TSNARE1: variants seen among roughly 807,000 people sequenced by gnomAD.
TSNARE1 encodes the protein t-SNARE domain containing 1, also known as t-SNARE domain-containing protein 1.
TSNARE1 carries 49 observed loss-of-function variants against 62.0 expected under a neutral mutation model. That is an observed-to-expected ratio of 0.79 (90% confidence interval 0.63 to 1.00). TSNARE1 has a LOEUF of 1.00. Among genes scored for constraint, TSNARE1 ranks in the 50% least tolerant of loss-of-function variants. The pLI, the probability that TSNARE1 is intolerant of heterozygous loss-of-function variation, is 0.00. For synonymous variants in TSNARE1, 328 were observed against 294.4 expected (o/e 1.11, Z -1.17); for missense variants, 755 against 700.1 (o/e 1.08, Z -0.88).
At chr8:142,366,044 C>CT (rs1288241919) in intron 1 of TSNARE1, 21 of 365,244 alleles carry the variant, frequency 5.7e-5, no homozygotes, top group East Asian at 9.0e-5. Flanking sequence ...TTTCTGATTG[C>CT]TTTTTTTTCT....
chr8:142,382,007 C>T (rs1279695277), intron 1 of TSNARE1, among the ~76,000 whole-genome samples: 1 of 152,180 alleles, frequency 6.6e-6, no homozygotes, highest in Non-Finnish European at 1.5e-5. Flanking sequence ...CTGACACCCC[C>T]CCTACACACA....
intron 1 of TSNARE1, chr8:142,366,011 C>T: frequency 2.5e-6 from 1 of 394,196 alleles, no homozygotes; most frequent in South Asian, 1.8e-5. Context: ...AAAATTGTCC[C>T]AGGACACTGA....
chr8:142,261,671 G>A (rs900591863), intron 12 of TSNARE1, among the ~76,000 whole-genome samples: 6 of 152,070 alleles, frequency 3.9e-5, no homozygotes, highest in Non-Finnish European at 5.9e-5. Context: ...CCCCGGGGTG[G>A]GGGTGCAGGG....
upstream of TSNARE1, chr8:142,403,364 C>G (rs1339232037): frequency 6.6e-6 from 1 of 151,740 alleles, no homozygotes; most frequent in Non-Finnish European, 1.5e-5. Context: ...GCTGTCCTCA[C>G]TTGCCTGGTG....
chr8:142,239,548 G>A (rs933831404), intron 12 of TSNARE1, among the ~76,000 whole-genome samples: 14 of 152,232 alleles, frequency 9.2e-5, no homozygotes, highest in African/African-American at 2.7e-4. Context: ...TGTAGAAGAA[G>A]TTTTAAAAAT....
intron 1 of TSNARE1, among the ~76,000 whole-genome samples, chr8:142,401,979 C>G (rs1435263722): frequency 6.6e-6 from 1 of 152,120 alleles, no homozygotes; most frequent in Admixed American, 6.5e-5. Context: ...ATCCCCACCC[C>G]TGTCTCACAG....
At chr8:142,324,262 A>T (rs1241188730) in intron 6 of TSNARE1, among the ~76,000 whole-genome samples, 1 of 152,200 alleles carries the variant, frequency 6.6e-6, no homozygotes, top group African/African-American at 2.4e-5. Context: ...GTATCCCCAC[A>T]AAGCCAGCTC....
chr8:142,375,083 C>G (rs1014762705), intron 1 of TSNARE1, among the ~76,000 whole-genome samples: 1 of 152,242 alleles, frequency 6.6e-6, no homozygotes, highest in Non-Finnish European at 1.5e-5. Flanking sequence ...CCAGAAGAAA[C>G]AGAAGTGGGT....
At chr8:142,384,980 C>G (rs895947210) in intron 1 of TSNARE1, among the ~76,000 whole-genome samples, 2 of 151,920 alleles carry the variant, frequency 1.3e-5, no homozygotes, top group African/African-American at 4.8e-5. Flanking sequence ...TCCTACAACT[C>G]AACAACAACA....
In TSNARE1 at chr8:142,351,601, C is replaced by T. The variant is rs554007926; in HGVS notation, c.88+3036G>A. On this transcript the variant is annotated intron_variant, in intron 2 of 13. Coordinates refer to ENST00000524325, the MANE Select transcript of TSNARE1 (RefSeq NM_145003.5). ...CAAACCCAGTCAAAGCTCCAGAGTGCGACAGGTGATCCTAAACCTTATGGT... is the reference window on the plus strand; with the variant it reads ...CAAACCCAGTCAAAGCTCCAGAGTGTGACAGGTGATCCTAAACCTTATGGT... Among the ~76,000 whole-genome samples the T allele has an allele frequency of 3.9e-5, 6 of 152,232 alleles. No homozygotes were observed. The South Asian group carries it at 1.0e-3, about 26-fold the overall frequency.
rs377053772 is a variant in TSNARE1, at chr8:142,314,350, C to G, written c.1131+34G>C. The G allele has an allele frequency of 2.3e-4, 368 of 1,602,556 alleles. 1 individual carries two copies. The African/African-American group carries it at 4.6e-3, about 20-fold the overall frequency. The stretch of plus-strand genomic sequence containing the variant: ...CAGCGGATTCTGGGCTGTCCCCTAA[C>G]AGCCACTGACCATGGTCAGTACTCG... On this transcript the variant is annotated intron_variant, in intron 9 of 13. Transcript: ENST00000524325.
At chr8:142,304,899 C>T (rs1586688058) in intron 9 of TSNARE1, among the ~76,000 whole-genome samples, 1 of 152,306 alleles carries the variant, frequency 6.6e-6, no homozygotes, top group East Asian at 1.9e-4. Context: ...CTCCTGCCAG[C>T]GGTGACAGGC....
At chr8:142,403,493 C>G (rs929362506), upstream of TSNARE1, among the ~76,000 whole-genome samples, 1 of 152,102 alleles carries the variant, frequency 6.6e-6, no homozygotes, top group African/African-American at 2.4e-5. Context: ...CCGCCCAGCC[C>G]AGGCCGAGCC....
At chr8:142,366,048 T>C (rs1431038473) in intron 1 of TSNARE1, 1 of 370,224 alleles carries the variant, frequency 2.7e-6, no homozygotes, top group Non-Finnish European at 5.3e-6. Flanking sequence ...TGATTGCTTT[T>C]TTTTCTTTTT....
At chr8:142,396,776 G>T (rs899169835) in intron 1 of TSNARE1, among the ~76,000 whole-genome samples, 1 of 152,196 alleles carries the variant, frequency 6.6e-6, no homozygotes, top group African/African-American at 2.4e-5. Context: ...AGGCTGGGAA[G>T]TTTCCTGATC....
chr8:142,295,825 C>T lies in TSNARE1; in HGVS notation c.1290+4661G>A, dbSNP rs115120330. On this transcript the variant is annotated intron_variant, in intron 10 of 13. Coordinates refer to ENST00000524325, the MANE Select transcript of TSNARE1 (RefSeq NM_145003.5). ...TAGCCTCTGCCTGCACCTCCAACCC[C>T]CTGCACTCACCACACAGCCCTGCAG... Among the ~76,000 whole-genome samples, 891 of 151,728 alleles carry T rather than the reference C, an allele frequency of 5.9e-3. 12 individuals carry two copies. Among genetic ancestry groups the T allele is most frequent in the African/African-American group, 0.021 (850 of 41,360 alleles).
chr8:142,356,032 ATAG>A (rs1279904641), intron 1 of TSNARE1, among the ~76,000 whole-genome samples: 1 of 152,248 alleles, frequency 6.6e-6, no homozygotes, highest in Non-Finnish European at 1.5e-5. Flanking sequence ...GGCTTCTGAA[ATAG>A]TAGTAACTCA....
intron 12 of TSNARE1, among the ~76,000 whole-genome samples, chr8:142,254,831 A>G (rs952226291): frequency 6.6e-6 from 1 of 152,126 alleles, no homozygotes. Context: ...GGCCAAGGGG[A>G]GGAGAGTCTC....
At chr8:142,280,733 C>T (rs1005305586) in intron 11 of TSNARE1, among the ~76,000 whole-genome samples, 18 of 152,188 alleles carry the variant, frequency 1.2e-4, no homozygotes, top group African/African-American at 4.3e-4. Flanking sequence ...ACATCCCAGC[C>T]CGCGACAGGT....
Sources: gnomAD v4.1 joint callset for allele counts (sites outside exome capture counted in the v4.1 genomes callset) on GRCh38, gnomAD v4.1.1 for gene constraint, MANE v1.5 for transcripts, NCBI Gene and HGNC (gene_info 2026-07-23, HGNC 2026-07-21) for gene names.